Variants in RNF138 observed in about 807,000 individuals in gnomAD.
The protein encoded by RNF138 is E3 ubiquitin-protein ligase RNF138.
In RNF138, 12 loss-of-function variants were observed where a neutral mutation model predicts 31.0. That is an observed-to-expected ratio of 0.39 (90% confidence interval 0.25 to 0.63). The LOEUF is 0.63. RNF138 is among the 20% of genes least tolerant of loss of function. RNF138 has a pLI of 0.52. For missense variants in RNF138, 192 were observed against 300.1 expected, an observed-to-expected ratio of 0.64 and a Z score of 2.66; for synonymous variants, 105 against 99.5, an observed-to-expected ratio of 1.06 and a Z score of -0.33.
intron 4 of RNF138, among the ~76,000 whole-genome samples, chr18:32,114,891 G>A (rs1277712057): frequency 6.6e-6 from 1 of 152,112 alleles, no homozygotes; most frequent in African/African-American, 2.4e-5. Flanking sequence ...AAAACCTTTA[G>A]TGATTGTCTG....
intron 2 of RNF138, among the ~76,000 whole-genome samples, chr18:32,093,986 T>C (rs2039758309): frequency 6.6e-6 from 1 of 151,954 alleles, no homozygotes; most frequent in African/African-American, 2.4e-5. Flanking sequence ...AGAGACGGGG[T>C]TTCACCGTGT....
chr18:32,121,898 C>T (rs1282256428), intron 4 of RNF138, among the ~76,000 whole-genome samples: 20 of 151,974 alleles, frequency 1.3e-4, no homozygotes, highest in Admixed American at 2.0e-4. Flanking sequence ...GACTGAGTTT[C>T]GCTCTTGTTG....
chr18:32,092,379 G>C (rs2039706399), intron 1 of RNF138, 144 bp downstream of exon 1: 1 of 181,174 alleles, frequency 5.5e-6, no homozygotes, highest in Non-Finnish European at 1.2e-5. Flanking sequence ...GAGGCCTTGG[G>C]CGAAGACGGG....
At chr18:32,101,573 T>A (rs542558171) in intron 2 of RNF138, among the ~76,000 whole-genome samples, 189 of 152,278 alleles carry the variant, frequency 1.2e-3, no homozygotes, top group African/African-American at 4.2e-3. Flanking sequence ...AAATTTATTT[T>A]TTTTTAAGAA....
chr18:32,126,841 ATTAAAG>A (rs1456042144), intron 7 of RNF138, 41 bp downstream of exon 7: 2 of 1,218,316 alleles, frequency 1.6e-6, no homozygotes, highest in Non-Finnish European at 2.4e-6. Flanking sequence ...CTGTTTAAAT[ATTAAAG>A]TTAAAATAAC....
intron 5 of RNF138, 45 bp from the exon 6 acceptor site, chr18:32,124,689 G>A: frequency 2.2e-6 from 2 of 930,214 alleles, no homozygotes; most frequent in Non-Finnish European, 3.5e-6. Flanking sequence ...CGTTATTTTT[G>A]TGTTATTCTG....
rs150187495 is a variant in RNF138 at position 32,131,224 on chromosome 18, T to A, written c.*2037T>A. 17 of 152,312 alleles carry A rather than the reference T, an allele frequency of 1.1e-4. No homozygotes were observed. The East Asian group carries it at 2.9e-3, about 26-fold the overall frequency. 9.4% of individuals were successfully genotyped at this position (152,312 alleles called of 1,614,324 possible). On this transcript the variant is annotated 3_prime_UTR_variant, in exon 8 of 8. Coordinates refer to ENST00000261593, the MANE Select transcript of RNF138 (RefSeq NM_016271.5). ...TTGATAGTCTTGTGTGTCTCACATA[T>A]CAGCTTTTTCATAAGGAAAATACTT...
intron 2 of RNF138, among the ~76,000 whole-genome samples, chr18:32,110,900 C>T (rs1162452226): frequency 1.3e-5 from 2 of 151,964 alleles, no homozygotes; most frequent in Non-Finnish European, 2.9e-5. Context: ...CCTGCCTCAG[C>T]CTCCCGGGTA....
rs1326281405 is a variant in RNF138, at chr18:32,092,796, C to T, written c.20C>T (p.Ala7Val). 2 of 1,590,872 alleles carry T rather than the reference C, an allele frequency of 1.3e-6. No individual in the cohort carries two copies. Reference protein sequence around the residue: MAEDLSAATSYTEDDFY... With the variant: MAEDLSVATSYTEDDFY... ...CCCGCCATGGCCGAGGACCTCTCTG[C>T]GGCCACGTCCTACACCGAAGATGAT... The change falls in exon 2 of 8, where the codon GCG (alanine) becomes GTG (valine). Residue 7 changes from alanine (A) to valine (V), a missense_variant. Around this residue, in one of 2 missense-constraint regions of RNF138, gnomAD observed 52 missense variants for 48.4 expected, o/e 1.07. Coordinates refer to ENST00000261593, the MANE Select transcript of RNF138 (RefSeq NM_016271.5).
chr18:32,097,769 C>T (rs1303357301), intron 2 of RNF138, among the ~76,000 whole-genome samples: 5 of 151,790 alleles, frequency 3.3e-5, no homozygotes, highest in African/African-American at 9.7e-5. Flanking sequence ...GTGATCTGCC[C>T]GCCTTGGCCT....
At chr18:32,093,030 C>A in intron 2 of RNF138, 144 bp downstream of exon 2, 1 of 473,480 alleles carries the variant, frequency 2.1e-6, no homozygotes, top group South Asian at 3.7e-5. Flanking sequence ...TCCCGTTCCC[C>A]GCCCCTCAGA....
rs1341375121 is a variant in RNF138 at position 32,130,892 on chromosome 18, G to A, written c.*1705G>A. 2 of 138,990 alleles carry A rather than the reference G, an allele frequency of 1.4e-5. No individual in the cohort carries two copies. The highest frequency in any genetic ancestry group is 2.7e-5 in the African/African-American group (1 of 37,038). The allele number at this position is 138,990 out of a possible 1,614,324, so 8.6% of individuals were successfully genotyped here. On this transcript the variant is annotated 3_prime_UTR_variant, in exon 8 of 8. Coordinates refer to ENST00000261593, the MANE Select transcript of RNF138 (RefSeq NM_016271.5). ...AGCATTTTCTTTCAGTTACATGGGTGTAATTTAAAAAACAGCTCCTTTTTA... is the reference window on the plus strand; with the variant it reads ...AGCATTTTCTTTCAGTTACATGGGTATAATTTAAAAAACAGCTCCTTTTTA...
At chr18:32,119,400 G>A (rs2040267900) in intron 4 of RNF138, among the ~76,000 whole-genome samples, 1 of 151,844 alleles carries the variant, frequency 6.6e-6, no homozygotes, top group East Asian at 1.9e-4. Flanking sequence ...GTGGTGCCTG[G>A]CCTCTTTCTC....
chr18:32,126,203 C>T (rs1459355450), intron 6 of RNF138, among the ~76,000 whole-genome samples: 1 of 152,032 alleles, frequency 6.6e-6, no homozygotes, highest in Non-Finnish European at 1.5e-5. Context: ...GAGACCCAGC[C>T]TGGACAACAG....
chr18:32,108,576 G>A (rs558197824), intron 2 of RNF138, among the ~76,000 whole-genome samples: 7 of 152,038 alleles, frequency 4.6e-5, no homozygotes, highest in South Asian at 2.1e-4. Context: ...TTCTGTTGGC[G>A]GACCTATGTA....
rs566494175 is a variant in RNF138 at position 32,105,719 on chromosome 18, G to C, written c.111-6035G>C. Among the ~76,000 whole-genome samples, 11 of 152,302 alleles carry C rather than the reference G, an allele frequency of 7.2e-5. No individual in the cohort carries two copies. The South Asian group carries it at 2.3e-3, about 32-fold the overall frequency. On this transcript the variant is annotated intron_variant, in intron 2 of 7. Transcript: ENST00000261593. ...GCAAAAGCATAAACCATAATTTTAG[G>C]AAAAGGCCATGTCTAAAAGTTAAAA...
chr18:32,098,738 A>G (rs2039860972), intron 2 of RNF138, among the ~76,000 whole-genome samples: 1 of 151,694 alleles, frequency 6.6e-6, no homozygotes, highest in African/African-American at 2.4e-5. Flanking sequence ...CTGTAATCCC[A>G]GCTGTTCGGG....
chr18:32,127,290 TATATA>T (rs1352683112), intron 7 of RNF138, among the ~76,000 whole-genome samples: 1 of 152,230 alleles, frequency 6.6e-6, no homozygotes, highest in Admixed American at 6.5e-5. Context: ...TAAGAGAAGT[TATATA>T]ATGTAAAAAT....
intron 7 of RNF138, 70 bp from the exon 8 acceptor site, chr18:32,129,049 A>G (rs1254789711): frequency 4.0e-6 from 4 of 1,001,742 alleles, no homozygotes; most frequent in Admixed American, 1.7e-5. Flanking sequence ...CAAGATGTCT[A>G]ATGTTTTGGG....
Sources: allele counts gnomAD v4.1 joint callset (sites outside exome capture counted in the v4.1 genomes callset), GRCh38; gene constraint gnomAD v4.1.1; regional missense constraint gnomAD v4.1.1; transcripts MANE v1.5; gene names NCBI Gene and HGNC (gene_info 2026-07-23, HGNC 2026-07-21).